The following FAM83G variants were observed in gnomAD, a reference collection of about 807,000 sequenced individuals.
FAM83G encodes scaffolding CK1 anchoring protein G, also known as protein FAM83G.
FAM83G carries 38 observed loss-of-function variants against 61.5 expected under a neutral mutation model. The observed-to-expected ratio is 0.62, with a 90% confidence interval of 0.48 to 0.81. FAM83G has a LOEUF of 0.81. Ranked by LOEUF, FAM83G falls within the 30% of genes least tolerant of loss-of-function variation. The pLI is 0.00. For missense variants in FAM83G, 989 were observed against 1,133.6 expected (o/e 0.87, Z 1.83); for synonymous variants, 470 against 476.1 (o/e 0.99, Z 0.17).
upstream of FAM83G, among the ~76,000 whole-genome samples, chr17:19,005,039 GC>G (rs960140238): frequency 6.6e-6 from 1 of 152,212 alleles, no homozygotes; most frequent in Non-Finnish European, 1.5e-5. Context: ...ACCCCCCTGT[GC>G]CCCCAGGGTC....
At chr17:18,991,828 C>T (rs1453410543) in intron 2 of FAM83G, among the ~76,000 whole-genome samples, 1 of 152,222 alleles carries the variant, frequency 6.6e-6, no homozygotes, top group Non-Finnish European at 1.5e-5. Context: ...GATGGACAGG[C>T]CTCTGCTGGG....
intron 3 of FAM83G, among the ~76,000 whole-genome samples, chr17:18,981,219 G>A (rs991408951): frequency 5.3e-5 from 8 of 152,148 alleles, no homozygotes; most frequent in Admixed American, 1.3e-4. Flanking sequence ...GGAGGCTCCC[G>A]GGAGAGGATG....
chr17:18,978,887 A>G, intron 4 of FAM83G, 37 bp from the exon 5 acceptor site: 3 of 1,601,806 alleles, frequency 1.9e-6, no homozygotes, highest in Non-Finnish European at 2.6e-6. Flanking sequence ...CAGGCACATG[A>G]CCCTGCTTCC....
At chr17:18,993,433 AAGAGGGG>A (rs552846508) in intron 2 of FAM83G, among the ~76,000 whole-genome samples, 73 of 152,302 alleles carry the variant, frequency 4.8e-4, no homozygotes, top group Middle Eastern at 3.4e-3. Flanking sequence ...AGACTCGGGT[AAGAGGGG>A]ACAGTTTCCA....
chr17:18,995,342 G>A (rs1316891985), intron 2 of FAM83G, among the ~76,000 whole-genome samples: 4 of 152,038 alleles, frequency 2.6e-5, no homozygotes, highest in Non-Finnish European at 5.9e-5. Flanking sequence ...CATTTAAGAC[G>A]AAAAATATAC....
In FAM83G at chr17:19,003,750, C is replaced by A; in HGVS notation, c.292G>T (p.Gly98Cys). Residue 98 changes from glycine (G) to cysteine (C), a missense_variant, in exon 2 of 6, where the codon GGC becomes TGC. Around this residue, in one of 3 missense-constraint regions of FAM83G, gnomAD observed 371 missense variants for 404.5 expected, o/e 0.92. Transcript: ENST00000388995. The surrounding 1 kb of genome is among the most constrained non-coding windows in gnomAD (Gnocchi z 4.5). ...CCATCCGCCCCGCTGGCTTCCTCGCCGTCGCCGACCCCATTGTCCTCGGGC... is the reference window on the plus strand; with the variant it reads ...CCATCCGCCCCGCTGGCTTCCTCGCAGTCGCCGACCCCATTGTCCTCGGGC... ...QGPEDNGVGD[G>C]EEASGADGVP... 6.2e-7 allele frequency: 1 copy of A among 1,605,590 alleles called. No homozygotes were observed.
intron 3 of FAM83G, among the ~76,000 whole-genome samples, chr17:18,984,143 C>T (rs929878606): frequency 2.0e-5 from 3 of 151,974 alleles, no homozygotes; most frequent in Non-Finnish European, 2.9e-5. Flanking sequence ...CAGATCGAGA[C>T]CATCCTGGCT....
Position 18,971,012 on chromosome 17 carries a change from G to A in FAM83G, c.*347C>T. 1.2e-6 allele frequency: 2 copies of A among 1,613,914 alleles called. No individual in the cohort carries two copies. The highest frequency in any genetic ancestry group is 1.7e-6 in the Non-Finnish European group (2 of 1,180,030). On this transcript the variant is annotated 3_prime_UTR_variant, in exon 6 of 6. Transcript: ENST00000388995. The surrounding 1 kb of genome is among the most constrained non-coding windows in gnomAD (Gnocchi z 5.5). ...TCCCTGTTCCACCCTGACCCCTCCA[G>A]CTTTTGACCAGATCGGTGGTTACGG...
At position 18,969,108 on chromosome 17, in the gene FAM83G, C is replaced by T. The variant is rs1419399065; in HGVS notation, c.*2251G>A. ...ACATCTGCCTGGGCTGGAACTTCTA[C>T]CTCTCCACCATCCTCACGCTCGGCA... is the stretch of plus-strand genomic sequence containing the variant. On this transcript the variant is annotated 3_prime_UTR_variant, in exon 6 of 6. Coordinates refer to ENST00000388995, the MANE Select transcript of FAM83G (RefSeq NM_001039999.3). 1.2e-6 allele frequency: 2 copies of T among 1,614,018 alleles called. No individual in the cohort carries two copies. The highest frequency in any genetic ancestry group is 1.3e-5 in the African/African-American group (1 of 74,934).
At chr17:18,999,949 G>A (rs1347031323) in intron 2 of FAM83G, among the ~76,000 whole-genome samples, 1 of 152,222 alleles carries the variant, frequency 6.6e-6, no homozygotes, top group African/African-American at 2.4e-5. Context: ...TCCTGTTGAG[G>A]GGGGCTCAGC....
At chr17:18,986,551 C>T (rs1023649383) in intron 3 of FAM83G, among the ~76,000 whole-genome samples, 4 of 152,208 alleles carry the variant, frequency 2.6e-5, no homozygotes, top group African/African-American at 9.6e-5. Context: ...CCTTCAGGCC[C>T]AGGCACTCCA....
At position 18,988,343 on chromosome 17, in the gene FAM83G, CTT is replaced by C; in HGVS notation, c.592_593del (p.Lys198GlufsTer11). The C allele has an allele frequency of 6.2e-7, 1 of 1,614,246 alleles. No homozygotes were observed. On this transcript the variant is annotated frameshift_variant, in exon 3 of 6. Transcript: ENST00000388995. LOFTEE classifies it high-confidence loss of function. The part of the protein sequence containing the change: ...IFKDLLDAGF[K>X]RKVAVYIIVD... ...CGATGATGTACACGGCCACTTTCCTCTTGAAGCCGGCGTCCAGCAGGTCCTTG... is the reference window on the plus strand; with the variant it reads ...CGATGATGTACACGGCCACTTTCCTCGAAGCCGGCGTCCAGCAGGTCCTTG...
chr17:18,975,302 T>C (rs1426511105), intron 5 of FAM83G, among the ~76,000 whole-genome samples: 1 of 152,186 alleles, frequency 6.6e-6, no homozygotes, highest in Non-Finnish European at 1.5e-5. Context: ...CAGGCATTCC[T>C]AGCCTCTGTA....
rs139177710 is a variant in FAM83G, at chr17:18,993,106, C to T, written c.523-4692G>A. Among the ~76,000 whole-genome samples the T allele has an allele frequency of 2.0e-3, 303 of 152,260 alleles. 1 individual carries two copies. Among genetic ancestry groups the T allele is most frequent in the Non-Finnish European group, 3.6e-3 (248 of 67,998 alleles). On this transcript the variant is annotated intron_variant, in intron 2 of 5. Coordinates refer to ENST00000388995, the MANE Select transcript of FAM83G (RefSeq NM_001039999.3). ...TGGTTCCGAGCATGGTGGGAAACCA[C>T]GGGTGCACAGGCCCAGCCTCTGCAG...
Position 18,978,079 on chromosome 17 carries a change from G to A in FAM83G, c.1587C>T (p.Leu529=), listed in dbSNP as rs774545395. The A allele has an allele frequency of 2.0e-6, 3 of 1,516,258 alleles. No individual in the cohort carries two copies. The highest frequency in any genetic ancestry group is 8.8e-7 in the Non-Finnish European group (1 of 1,135,306). 93.9% of individuals were successfully genotyped at this position (1,516,258 alleles called of 1,614,324 possible). ...DSSDIGWVLE[L]PKEEAPQNGT... is the part of the protein sequence containing the mutation. ...CATTCTGGGGAGCTTCCTCTTTGGG[G>A]AGCTCCAGGACCCAGCCAATATCAC... Residue 529 remains leucine, a synonymous_variant, in exon 5 of 6, where the codon CTC becomes CTT. Transcript: ENST00000388995.
intron 2 of FAM83G, among the ~76,000 whole-genome samples, chr17:18,990,482 G>A (rs1265613863): frequency 6.6e-6 from 1 of 152,222 alleles, no homozygotes; most frequent in Non-Finnish European, 1.5e-5. Context: ...TGAGGGCGCA[G>A]TAGGCATGCT....
chr17:18,975,550 C>T (rs1481052192), intron 5 of FAM83G, among the ~76,000 whole-genome samples: 2 of 152,040 alleles, frequency 1.3e-5, no homozygotes, highest in African/African-American at 2.4e-5. Context: ...AAAAATTAGC[C>T]GGGCGTGGTG....
At position 18,971,877 on chromosome 17, in the gene FAM83G, A is replaced by T. The variant is rs1484026125; in HGVS notation, c.2083-129T>A. 4 of 969,054 alleles carry T rather than the reference A, an allele frequency of 4.1e-6. No homozygotes were observed. In the African/African-American group the frequency reaches 6.6e-5, roughly 16 times the overall value. 60.0% of individuals were successfully genotyped at this position (969,054 alleles called of 1,614,324 possible). ...CTCCTGGCTCTGCCATTCACCAGGGAGTGGGCCTAGACCAGTTGGTTTAGT... is the reference window on the plus strand; with the variant it reads ...CTCCTGGCTCTGCCATTCACCAGGGTGTGGGCCTAGACCAGTTGGTTTAGT... On this transcript the variant is annotated intron_variant, in intron 5 of 5. Coordinates refer to ENST00000388995, the MANE Select transcript of FAM83G (RefSeq NM_001039999.3). This position sits in a 1 kb window ranked among gnomAD's most constrained non-coding sequence, Gnocchi z 5.5.
rs1340252470 is a variant in FAM83G at position 18,971,593 on chromosome 17, G to A, written c.2238C>T (p.Ala746=). 6.2e-7 allele frequency: 1 copy of A among 1,613,616 alleles called. No individual in the cohort carries two copies. Among genetic ancestry groups the A allele is most frequent in the Non-Finnish European group, 8.5e-7 (1 of 1,180,024 alleles). The change falls in exon 6 of 6, where the codon GCC becomes GCT. Residue 746 remains alanine (A), a synonymous_variant. Coordinates refer to ENST00000388995, the MANE Select transcript of FAM83G (RefSeq NM_001039999.3). The surrounding 1 kb of genome is among the most constrained non-coding windows in gnomAD (Gnocchi z 5.5). ...GCAGGCGGGGTACCTGACCTCCCTT[G>A]GCCTGCCAGTGGTGGGGGCCAGCCA... The part of the protein sequence containing the change: ...PAMAGPHHWQ[A]KGGQVPRLLP...
Sources: gnomAD v4.1 joint callset for allele counts (sites outside exome capture counted in the v4.1 genomes callset) on GRCh38, gnomAD v4.1.1 for gene constraint, gnomAD v4.1.1 regional missense constraint, Gnocchi (gnomAD v3.1) non-coding constraint, MANE v1.5 for transcripts, NCBI Gene and HGNC (gene_info 2026-07-23, HGNC 2026-07-21) for gene names.